Variants in CCDC88C observed in about 807,000 individuals in gnomAD.
CCDC88C encodes the protein coiled-coil and HOOK domain protein 88C, also known as protein Daple.
CCDC88C carries 131 observed loss-of-function variants against 198.8 expected under a neutral mutation model. That is an observed-to-expected ratio of 0.66 (90% CI 0.57 to 0.76). CCDC88C has a LOEUF of 0.76. CCDC88C is among the 30% of genes least tolerant of loss of function. The pLI is 0.00. For missense variants in CCDC88C, 2,553 were observed against 2,631.6 expected, an observed-to-expected ratio of 0.97 and a Z score of 0.65; for synonymous variants, 1,166 against 1,114.7, an observed-to-expected ratio of 1.05 and a Z score of -0.92.
chr14:91,406,454 T>C (rs1886488350), intron 3 of CCDC88C, among the ~76,000 whole-genome samples: 1 of 152,240 alleles, frequency 6.6e-6, no homozygotes, highest in Non-Finnish European at 1.5e-5. Context: ...CCACTGGCTC[T>C]GGCCAGCCCT....
In CCDC88C at chr14:91,272,393, T is replaced by G. The variant is rs1889772283; in HGVS notation, c.*232A>C. The G allele has an allele frequency of 5.5e-6, 3 of 549,902 alleles. No individual in the cohort carries two copies. The highest frequency in any genetic ancestry group is 6.4e-6 in the Non-Finnish European group (2 of 312,724). The allele number at this position is 549,902 out of a possible 1,614,324, so 34.1% of individuals were successfully genotyped here. On this transcript the variant is annotated 3_prime_UTR_variant, in exon 30 of 30. Transcript: ENST00000389857. ...TGACGTGGATTATTTGTTCCAAAGA[T>G]ATCAGCTGCTGGAAGCGGCAGACAC...
intron 4 of CCDC88C, among the ~76,000 whole-genome samples, chr14:91,353,359 G>A (rs959741812): frequency 7.9e-5 from 12 of 152,198 alleles, no homozygotes; most frequent in African/African-American, 2.4e-4. Context: ...TGCACTGGCT[G>A]TGAAGCACAT....
At chr14:91,329,351 C>G (rs1028698635) in intron 10 of CCDC88C, among the ~76,000 whole-genome samples, 1 of 152,170 alleles carries the variant, frequency 6.6e-6, no homozygotes, top group African/African-American at 2.4e-5. Context: ...TTCAGGGTGT[C>G]CTTAGTAAGT....
chr14:91,292,114 TC>T lies in CCDC88C; in HGVS notation c.4113-1031del, dbSNP rs529450520. ...AAGGTCCTGCCCCAACTGAGGGCTT[TC>T]CCAAGAGCTCACGGTGAGGTGAGCC... On this transcript the variant is annotated intron_variant, in intron 23 of 29. Coordinates refer to ENST00000389857, the MANE Select transcript of CCDC88C (RefSeq NM_001080414.4). 7.9e-4 allele frequency among the ~76,000 whole-genome samples: 120 copies of T among 152,220 alleles called. 1 individual carries two copies. Among genetic ancestry groups the T allele is most frequent in the Admixed American group, 2.4e-3 (37 of 15,294 alleles).
At chr14:91,309,068 A>G (rs554505273) in intron 16 of CCDC88C, among the ~76,000 whole-genome samples, 1 of 152,290 alleles carries the variant, frequency 6.6e-6, no homozygotes, top group South Asian at 2.1e-4. Flanking sequence ...CTCTACTAAA[A>G]AAATACAAAA....
intron 13 of CCDC88C, among the ~76,000 whole-genome samples, chr14:91,320,662 G>A (rs1892317146): frequency 6.6e-6 from 1 of 152,202 alleles, no homozygotes; most frequent in South Asian, 2.1e-4. Context: ...AGGGTCTGTA[G>A]TGTCAGAATT....
At position 91,289,765 on chromosome 14, in the gene CCDC88C, AGAG is replaced by A. The variant is rs567271641; in HGVS notation, c.4203-425_4203-423del. Among the ~76,000 whole-genome samples the A allele has an allele frequency of 1.3e-4, 20 of 152,282 alleles. No homozygotes were observed. In the South Asian group the frequency reaches 3.9e-3, roughly 30 times the overall value. Reference sequence around the variant, plus strand: ...GTAATCTGGGTGAGGTGGAGAGGGCAGAGGAGAGCAGGCTGTTTGATTAAAAAT... The same window carrying A: ...GTAATCTGGGTGAGGTGGAGAGGGCAGAGAGCAGGCTGTTTGATTAAAAAT... On this transcript the variant is annotated intron_variant, in intron 24 of 29. Coordinates refer to ENST00000389857, the MANE Select transcript of CCDC88C (RefSeq NM_001080414.4).
chr14:91,377,048 C>T (rs1884473654), intron 3 of CCDC88C, among the ~76,000 whole-genome samples: 1 of 145,302 alleles, frequency 6.9e-6, no homozygotes, highest in South Asian at 2.2e-4. Context: ...TCCACTGAGA[C>T]ACTGGTCTTG....
chr14:91,338,667 A>G lies in CCDC88C; in HGVS notation c.810-97T>C. On this transcript the variant is annotated intron_variant, in intron 8 of 29. Transcript: ENST00000389857. This position sits in a 1 kb window ranked among gnomAD's most constrained non-coding sequence, Gnocchi z 4.8. Reference sequence around the variant, plus strand: ...ACTTCCTAAAACCTGTGGGAAAAGGAAAGGACTCGGGATTTGGGCGGTGGG... The same window carrying G: ...ACTTCCTAAAACCTGTGGGAAAAGGGAAGGACTCGGGATTTGGGCGGTGGG... 1.2e-5 allele frequency: 11 copies of G among 915,292 alleles called. No homozygotes were observed. Among genetic ancestry groups the G allele is most frequent in the Middle Eastern group, 2.1e-4 (1 of 4,750 alleles). 56.7% of individuals were successfully genotyped at this position (915,292 alleles called of 1,614,324 possible). A position where few individuals can be genotyped will look rare whatever the true frequency, so the allele number is the denominator to read the frequency against.
At chr14:91,414,085 T>C (rs1000027049) in intron 2 of CCDC88C, among the ~76,000 whole-genome samples, 21 of 152,070 alleles carry the variant, frequency 1.4e-4, no homozygotes, top group Non-Finnish European at 2.5e-4. Flanking sequence ...CTAGACCTCA[T>C]TGGTAGAGGG....
intron 28 of CCDC88C, among the ~76,000 whole-genome samples, chr14:91,278,852 A>T (rs1890075766): frequency 6.8e-6 from 1 of 146,358 alleles, no homozygotes; most frequent in South Asian, 2.1e-4. Flanking sequence ...TTTAAAAATT[A>T]TAATAATATG....
chr14:91,305,949 C>T (rs767626751), intron 18 of CCDC88C, 23 bp from the exon 19 acceptor site: 36 of 1,605,934 alleles, frequency 2.2e-5, no homozygotes, highest in African/African-American at 2.7e-5. Context: ...GAGGCATGAG[C>T]GAATCAAACT....
chr14:91,277,261 C>T (rs982267870), intron 29 of CCDC88C, among the ~76,000 whole-genome samples: 2 of 152,190 alleles, frequency 1.3e-5, no homozygotes, highest in African/African-American at 4.8e-5. Flanking sequence ...GTGATCTGCC[C>T]ACCTTGGCCT....
intron 3 of CCDC88C, 93 bp from the exon 4 acceptor site, chr14:91,359,804 G>A (rs1047611957): frequency 8.8e-6 from 10 of 1,135,124 alleles, no homozygotes; most frequent in African/African-American, 6.2e-5. Flanking sequence ...GCCCCCGGAC[G>A]GGTGCACAGC....
chr14:91,379,472 C>T (rs1033090222), intron 3 of CCDC88C: 2 of 309,076 alleles, frequency 6.5e-6, no homozygotes, highest in African/African-American at 4.3e-5. Context: ...AGGATGTGGC[C>T]TTGGCCACCC....
chr14:91,276,314 G>A (rs7153145), intron 29 of CCDC88C, among the ~76,000 whole-genome samples: 129,480 of 152,262 alleles, frequency 0.85, 55,350 homozygotes, highest in Non-Finnish European at 0.88. Flanking sequence ...ACATTAGACC[G>A]CTAACTTCTC....
At chr14:91,379,605 C>G (rs1382837354) in intron 3 of CCDC88C, 2 of 568,502 alleles carry the variant, frequency 3.5e-6, no homozygotes, top group Non-Finnish European at 6.2e-6. Context: ...AGAAGTGGGA[C>G]GCTGACGGTG....
At chr14:91,293,750 C>T (rs1030681859) in intron 23 of CCDC88C, among the ~76,000 whole-genome samples, 1 of 152,134 alleles carries the variant, frequency 6.6e-6, no homozygotes, top group African/African-American at 2.4e-5. Flanking sequence ...TGGTTCCTGG[C>T]TACCAGGGAA....
At chr14:91,294,072 CCCAGGGGCTCCTCTCTGCATGGGAAG>C in intron 23 of CCDC88C, 75 bp downstream of exon 23, 1 of 1,396,486 alleles carries the variant, frequency 7.2e-7, no homozygotes, top group Non-Finnish European at 1.0e-6. Context: ...TCCCAACGGG[CCCAGGGGCTCCTCTCTGCATGGGAAG>C]CCAGGACCTC....
Sources: gnomAD v4.1 joint callset for allele counts (sites outside exome capture counted in the v4.1 genomes callset) on GRCh38, gnomAD v4.1.1 for gene constraint, Gnocchi (gnomAD v3.1) non-coding constraint, MANE v1.5 for transcripts, NCBI Gene and HGNC (gene_info 2026-07-23, HGNC 2026-07-21) for gene names.